PDIA5: variants seen among roughly 807,000 people sequenced by gnomAD.
PDIA5 encodes protein disulfide isomerase family A member 5.
In PDIA5, 58 loss-of-function variants were observed where a neutral mutation model predicts 77.6. The ratio of observed to expected loss-of-function variants is 0.75; its 90% CI spans 0.61 to 0.93. The LOEUF is 0.93. PDIA5 is among the 40% of genes least tolerant of loss of function. The pLI, the probability that PDIA5 is intolerant of heterozygous loss-of-function variation, is 0.00. For synonymous variants in PDIA5, 250 were observed against 252.1 expected (o/e 0.99, Z 0.08); for missense variants, 630 against 647.7 (o/e 0.97, Z 0.30).
intron 1 of PDIA5, among the ~76,000 whole-genome samples, chr3:123,075,950 A>C (rs556621745): frequency 5.9e-5 from 9 of 152,174 alleles, no homozygotes; most frequent in Non-Finnish European, 1.0e-4. Flanking sequence ...TTCTGCTCAC[A>C]TTGGAGCTGT....
chr3:123,090,554 G>A (rs545043686), intron 2 of PDIA5, among the ~76,000 whole-genome samples: 120 of 152,344 alleles, frequency 7.9e-4, no homozygotes, highest in African/African-American at 2.8e-3. Flanking sequence ...TAGCGGACTT[G>A]TTTGAGATCT....
chr3:123,108,227 T>G (rs1279447625), intron 6 of PDIA5, among the ~76,000 whole-genome samples: 1 of 151,726 alleles, frequency 6.6e-6, no homozygotes, highest in Non-Finnish European at 1.5e-5. Context: ...AATTAAGGAC[T>G]GGGCACAACA....
chr3:123,148,472 G>A (rs1935817175), intron 13 of PDIA5, among the ~76,000 whole-genome samples: 1 of 151,972 alleles, frequency 6.6e-6, no homozygotes, highest in South Asian at 2.1e-4. Flanking sequence ...GGGAATCTGA[G>A]GTGGGAGGAT....
At chr3:123,155,079 G>A (rs1300733094) in intron 15 of PDIA5, 38 bp downstream of exon 15, 7 of 1,347,882 alleles carry the variant, frequency 5.2e-6, no homozygotes, top group Non-Finnish European at 7.5e-6. Context: ...TCTGCCTGCA[G>A]CTAATTCCTA....
chr3:123,085,843 A>G (rs1934124431), intron 1 of PDIA5, among the ~76,000 whole-genome samples: 1 of 152,230 alleles, frequency 6.6e-6, no homozygotes, highest in South Asian at 2.1e-4. Flanking sequence ...GCAGTGAGGC[A>G]ATGTGTTTTT....
intron 8 of PDIA5, 115 bp from the exon 9 acceptor site, chr3:123,123,951 T>A: frequency 1.4e-6 from 1 of 717,870 alleles, no homozygotes; most frequent in Non-Finnish European, 2.5e-6. Flanking sequence ...CATCAGTCTG[T>A]GGGGCTTTGT....
At chr3:123,100,385 G>T (rs994902892) in intron 3 of PDIA5, among the ~76,000 whole-genome samples, 2 of 152,246 alleles carry the variant, frequency 1.3e-5, no homozygotes, top group Non-Finnish European at 2.9e-5. Context: ...TTCAGCGGGT[G>T]CCCTGGGCTG....
At chr3:123,097,675 C>A (rs1934476103) in intron 3 of PDIA5, among the ~76,000 whole-genome samples, 1 of 152,094 alleles carries the variant, frequency 6.6e-6, no homozygotes, top group East Asian at 1.9e-4. Flanking sequence ...ATTTCTTGCT[C>A]AGCACTCGCC....
At chr3:123,095,774 G>A (rs571982306) in intron 3 of PDIA5, among the ~76,000 whole-genome samples, 4 of 149,216 alleles carry the variant, frequency 2.7e-5, no homozygotes, top group Non-Finnish European at 5.9e-5. Context: ...AAAAAGTACA[G>A]GGTGCAGTGC....
Position 123,146,107 on chromosome 3 carries a change from T to C in PDIA5, c.990T>C (p.Gly330=). The change falls in exon 13 of 17, where the codon GGT becomes GGC. Residue 330 remains glycine, a synonymous_variant. Coordinates refer to ENST00000316218, the MANE Select transcript of PDIA5 (RefSeq NM_006810.4). ...EALHGEADSS[G]VLAAVDATVN... is the part of the protein sequence containing the mutation. Reference sequence around the variant, plus strand: ...CCTTTCCCCCATCCCAGAGCTCTGGTGTCCTTGCAGCTGTCGATGCCACTG... The same window carrying C: ...CCTTTCCCCCATCCCAGAGCTCTGGCGTCCTTGCAGCTGTCGATGCCACTG... 1.2e-6 allele frequency: 2 copies of C among 1,614,162 alleles called. No homozygotes were observed. The highest frequency in any genetic ancestry group is 1.7e-6 in the Non-Finnish European group (2 of 1,179,998).
chr3:123,157,036 C>G (rs1936036513), intron 15 of PDIA5, among the ~76,000 whole-genome samples: 1 of 152,222 alleles, frequency 6.6e-6, no homozygotes, highest in Non-Finnish European at 1.5e-5. Flanking sequence ...CACACCTTTG[C>G]TTGATTGTCT....
At chr3:123,121,898 G>A (rs836850) in intron 8 of PDIA5, among the ~76,000 whole-genome samples, 105,959 of 152,142 alleles carry the variant, frequency 0.7, 38,185 homozygotes, top group Non-Finnish European at 0.8. Context: ...AAGGAAATGC[G>A]CGACCCCATG....
intron 8 of PDIA5, among the ~76,000 whole-genome samples, chr3:123,119,259 A>T (rs1935055176): frequency 6.6e-6 from 1 of 152,140 alleles, no homozygotes; most frequent in African/African-American, 2.4e-5. Flanking sequence ...AAAAAAAAGA[A>T]AAAATGAATT....
intron 7 of PDIA5, among the ~76,000 whole-genome samples, chr3:123,112,153 A>G (rs1028685697): frequency 2.6e-5 from 4 of 152,132 alleles, no homozygotes; most frequent in African/African-American, 9.7e-5. Context: ...ATAACCCTGG[A>G]TTTGAGCCTG....
intron 15 of PDIA5, among the ~76,000 whole-genome samples, chr3:123,158,087 A>G (rs956910858): frequency 6.6e-6 from 1 of 152,260 alleles, no homozygotes; most frequent in African/African-American, 2.4e-5. Flanking sequence ...AAGCTCCCTC[A>G]GGACAGAGAC....
intron 1 of PDIA5, among the ~76,000 whole-genome samples, chr3:123,069,159 C>G (rs12492773): frequency 0.13 from 20,529 of 152,108 alleles, 1,605 homozygotes; most frequent in Non-Finnish European, 0.18. Flanking sequence ...CTGGACAGCG[C>G]GTTGGGTCTT....
chr3:123,151,277 G>A (rs559592351), intron 14 of PDIA5, among the ~76,000 whole-genome samples: 32 of 152,336 alleles, frequency 2.1e-4, no homozygotes, highest in African/African-American at 7.2e-4. Flanking sequence ...CCCTTACAGA[G>A]CTTCCGGCTG....
intron 14 of PDIA5, among the ~76,000 whole-genome samples, chr3:123,154,544 G>A (rs73856855): frequency 0.027 from 4,100 of 152,174 alleles, 173 homozygotes; most frequent in African/African-American, 0.092. Context: ...ATTTCCCAAC[G>A]CCACTTCCTC....
At chr3:123,102,370 A>G (rs1361325675) in intron 3 of PDIA5, 41 bp from the exon 4 acceptor site, 2 of 1,481,372 alleles carry the variant, frequency 1.4e-6, no homozygotes, top group Middle Eastern at 1.7e-4. Flanking sequence ...CTTTGTGAGG[A>G]CTTCAGGTAA....
Sources: allele counts gnomAD v4.1 joint callset (sites outside exome capture counted in the v4.1 genomes callset), GRCh38; gene constraint gnomAD v4.1.1; transcripts MANE v1.5; gene names NCBI Gene and HGNC (gene_info 2026-07-23, HGNC 2026-07-21).